Variants in IDH2 observed in about 807,000 individuals in gnomAD.
The protein encoded by IDH2 is isocitrate dehydrogenase [NADP], mitochondrial.
Under a neutral mutation model 50.5 loss-of-function variants are expected in IDH2, and 18 were observed. That is an observed-to-expected ratio of 0.36 (90% CI 0.25 to 0.53). IDH2 has a LOEUF of 0.53. IDH2 is among the 20% of genes least tolerant of loss of function. IDH2 has a pLI of 0.92. For synonymous variants in IDH2, 280 were observed against 239.8 expected, an observed-to-expected ratio of 1.17 and a Z score of -1.55; for missense variants, 518 against 610.7, an observed-to-expected ratio of 0.85 and a Z score of 1.60.
Position 90,087,107 on chromosome 15 carries a change from C to T in IDH2, c.967+5G>A, listed in dbSNP as rs2151547965. On this transcript the variant is annotated splice_donor_5th_base_variant and intron_variant, in intron 7 of 10. Transcript: ENST00000330062. ...CCCACAGGGAGCAGCGTCCTCCCAG[C>T]GTACCCTGGGCCAGGATGTCTGACT... 1 of 1,613,850 alleles carries T rather than the reference C, an allele frequency of 6.2e-7. No homozygotes were observed. Among genetic ancestry groups the T allele is most frequent in the Non-Finnish European group, 8.5e-7 (1 of 1,179,752 alleles).
At chr15:90,101,106 G>C (rs1169605177) in intron 1 of IDH2, among the ~76,000 whole-genome samples, 2 of 152,116 alleles carry the variant, frequency 1.3e-5, no homozygotes, top group African/African-American at 2.4e-5. Context: ...ATTCCCAGAG[G>C]TACAAAAGCA....
At position 90,084,378 on chromosome 15, in the gene IDH2, C is replaced by CA; in HGVS notation, c.1272-26dup. Reference sequence around the variant, plus strand: ...ACTGCAGAGAGAGCACCACTCACATCAGGGGTGGCTCCAGGCCTTGCCAAG... The same window carrying CA: ...ACTGCAGAGAGAGCACCACTCACATCAAGGGGTGGCTCCAGGCCTTGCCAAG... On this transcript the variant is annotated intron_variant, in intron 10 of 10. Coordinates refer to ENST00000330062, the MANE Select transcript of IDH2 (RefSeq NM_002168.4). This position sits in a 1 kb window ranked among gnomAD's most constrained non-coding sequence, Gnocchi z 5.0. 2 of 1,605,634 alleles carry CA rather than the reference C, an allele frequency of 1.2e-6. No individual in the cohort carries two copies. Among genetic ancestry groups the CA allele is most frequent in the Non-Finnish European group, 1.7e-6 (2 of 1,174,150 alleles).
At chr15:90,090,691 A>T in intron 2 of IDH2, 47 bp from the exon 3 acceptor site, 1 of 1,598,340 alleles carries the variant, frequency 6.3e-7, no homozygotes, top group Non-Finnish European at 8.6e-7. Flanking sequence ...TGACTCAGGG[A>T]CATGACAACA....
rs57901991 is a variant in IDH2 at position 90,088,906 on chromosome 15, ATTTTTTTTT to A, written c.374-168_374-160del. Among the ~76,000 whole-genome samples the A allele has an allele frequency of 5.2e-5, 5 of 96,514 alleles. No homozygotes were observed. The East Asian group carries it at 8.3e-4, about 16-fold the overall frequency. 63.3% of individuals were successfully genotyped at this position (96,514 alleles called of 152,430 possible). A position where few individuals can be genotyped will look rare whatever the true frequency, so the allele number is the denominator to read the frequency against. ...AATGTGTGGGCTCTGGAGTCTGCCA[ATTTTTTTTT>A]TTTTTTTTTTTTTTTTGAGACAGAG... is the stretch of plus-strand genomic sequence containing the variant. On this transcript the variant is annotated intron_variant, in intron 3 of 10. Transcript: ENST00000330062.
chr15:90,087,213 AGCCGGT>A lies in IDH2; in HGVS notation c.860_865del (p.His287_Arg288del). The A allele has an allele frequency of 6.2e-7, 1 of 1,614,168 alleles. No homozygotes were observed. The highest frequency in any genetic ancestry group is 1.3e-5 in the African/African-American group (1 of 75,046). ...GACCTGAGCCACCATGTCATCAATGAGCCGGTGCTCATACCAGATCTTATTCTTGTC... is the reference window on the plus strand; with the variant it reads ...GACCTGAGCCACCATGTCATCAATGAGCTCATACCAGATCTTATTCTTGTC... On this transcript the variant is annotated inframe_deletion, in exon 7 of 11. Coordinates refer to ENST00000330062, the MANE Select transcript of IDH2 (RefSeq NM_002168.4).
In IDH2 at chr15:90,090,622, A is replaced by T; in HGVS notation, c.230T>A (p.Ile77Asn). 6.2e-7 allele frequency: 1 copy of T among 1,614,180 alleles called. No individual in the cohort carries two copies. Among genetic ancestry groups the T allele is most frequent in the Non-Finnish European group, 8.5e-7 (1 of 1,180,020 alleles). The change falls in exon 3 of 11, where the codon ATC (isoleucine) becomes AAC (asparagine). Residue 77 changes from isoleucine to asparagine, a missense_variant. Coordinates refer to ENST00000330062, the MANE Select transcript of IDH2 (RefSeq NM_002168.4). ...CCCGAGGTCAAAATACTTTAGCTGG[A>T]TGTCCACGTGGGGCAGGATGAGCTG... ...KEKLILPHVD[I>N]QLKYFDLGLP...
intron 5 of IDH2, among the ~76,000 whole-genome samples, chr15:90,088,000 G>A (rs916061821): frequency 6.6e-6 from 1 of 152,076 alleles, no homozygotes; most frequent in South Asian, 2.1e-4. Flanking sequence ...GCCTGGCATT[G>A]GAGCTGGAAC....
Position 90,100,775 on chromosome 15 carries a change from C to G in IDH2, c.115+1501G>C, listed in dbSNP as rs1234423750. 1.4e-5 allele frequency: 5 copies of G among 368,624 alleles called. No homozygotes were observed. Among genetic ancestry groups the G allele is most frequent in the Non-Finnish European group, 1.9e-5 (5 of 266,102 alleles). The allele number at this position is 368,624 out of a possible 1,614,324, so 22.8% of individuals were successfully genotyped here. A position where few individuals can be genotyped will look rare whatever the true frequency, so the allele number is the denominator to read the frequency against. ...GCTGGCAGAGTCGCAACTGTAGAGT[C>G]TGATGTCCAACTCCAACACCAAGCA... is the stretch of plus-strand genomic sequence containing the variant. On this transcript the variant is annotated intron_variant, in intron 1 of 10. Coordinates refer to ENST00000330062, the MANE Select transcript of IDH2 (RefSeq NM_002168.4). The surrounding 1 kb of genome is among the most constrained non-coding windows in gnomAD (Gnocchi z 4.1).
At chr15:90,096,774 C>T (rs1361865236) in intron 1 of IDH2, among the ~76,000 whole-genome samples, 2 of 151,618 alleles carry the variant, frequency 1.3e-5, no homozygotes, top group South Asian at 2.1e-4. Context: ...ATTAGCCAGG[C>T]GTGGTGGCAG....
chr15:90,084,310 CGAG>C lies in IDH2; in HGVS notation c.1312_1314del (p.Leu438del). ...CTGTCCAGGTTGCTCTTGATGGTGTCGAGGAAGTCCGTGGTGTTCAGGAAGTGC... is the reference window on the plus strand; with the variant it reads ...CTGTCCAGGTTGCTCTTGATGGTGTCGAAGTCCGTGGTGTTCAGGAAGTGC... On this transcript the variant is annotated inframe_deletion, in exon 11 of 11. Transcript: ENST00000330062. This position sits in a 1 kb window ranked among gnomAD's most constrained non-coding sequence, Gnocchi z 5.0. The C allele has an allele frequency of 6.2e-7, 1 of 1,614,046 alleles. No homozygotes were observed. The highest frequency in any genetic ancestry group is 8.5e-7 in the Non-Finnish European group (1 of 1,179,992).
Position 90,085,208 on chromosome 15 carries a change from C to T in IDH2, c.1080+67G>A. 6.5e-7 allele frequency: 1 copy of T among 1,530,022 alleles called. No homozygotes were observed. Among genetic ancestry groups the T allele is most frequent in the Non-Finnish European group, 9.0e-7 (1 of 1,113,800 alleles). The allele number at this position is 1,530,022 out of a possible 1,614,324, so 94.8% of individuals were successfully genotyped here. On this transcript the variant is annotated intron_variant, in intron 8 of 10. Transcript: ENST00000330062. The surrounding 1 kb of genome is among the most constrained non-coding windows in gnomAD (Gnocchi z 5.5). ...GTGGGTCAGGCTCGTCCTTCCAGCC[C>T]TCAGCCCAGTGGGCTTTAGGCCCCT...
intron 3 of IDH2, 137 bp from the exon 4 acceptor site, chr15:90,088,884 G>T: frequency 1.3e-6 from 1 of 779,038 alleles, no homozygotes; most frequent in Non-Finnish European, 2.2e-6. Context: ...GAGTGCAAAT[G>T]TGTGGGCTCT....
In IDH2 at chr15:90,100,705, G is replaced by A. The variant is rs2151556993; in HGVS notation, c.115+1571C>T. On this transcript the variant is annotated intron_variant, in intron 1 of 10. Transcript: ENST00000330062. This position sits in a 1 kb window ranked among gnomAD's most constrained non-coding sequence, Gnocchi z 4.1. ...AAAATATTCTTTCCTTGTCATCAAG[G>A]GGAATGCCAAGTATTCTGTCTCCAG... The A allele has an allele frequency of 1.1e-6, 1 of 948,366 alleles. No homozygotes were observed. 58.7% of individuals were successfully genotyped at this position (948,366 alleles called of 1,614,324 possible).
rs1467871449 is a variant in IDH2, at chr15:90,085,931, A to G, written c.968-544T>C. 1.3e-5 allele frequency among the ~76,000 whole-genome samples: 2 copies of G among 152,204 alleles called. No homozygotes were observed. The highest frequency in any genetic ancestry group is 4.8e-5 in the African/African-American group (2 of 41,446). ...TTCAAAGGCACCCCCATGACACCAA[A>G]ATAAGGATTGAAGAAAGAAAACATG... On this transcript the variant is annotated intron_variant, in intron 7 of 10. Transcript: ENST00000330062. This position sits in a 1 kb window ranked among gnomAD's most constrained non-coding sequence, Gnocchi z 5.5.
Position 90,102,465 on chromosome 15 carries a change from G to T in IDH2, c.-75C>A. The T allele has an allele frequency of 1.2e-6, 1 of 826,088 alleles. No individual in the cohort carries two copies. The highest frequency in any genetic ancestry group is 1.6e-6 in the Non-Finnish European group (1 of 630,036). The allele number at this position is 826,088 out of a possible 1,614,324, so 51.2% of individuals were successfully genotyped here. Reference sequence around the variant, plus strand: ...CGCTCCTCCCGGCTGCCTGGCCGCGGGCTAACGCTGGGCCTGGCGGGCGCT... The same window carrying T: ...CGCTCCTCCCGGCTGCCTGGCCGCGTGCTAACGCTGGGCCTGGCGGGCGCT... On this transcript the variant is annotated 5_prime_UTR_variant, in exon 1 of 11. Coordinates refer to ENST00000330062, the MANE Select transcript of IDH2 (RefSeq NM_002168.4).
chr15:90,101,659 G>A (rs900114515), intron 1 of IDH2, among the ~76,000 whole-genome samples: 1 of 151,186 alleles, frequency 6.6e-6, no homozygotes, highest in African/African-American at 2.4e-5. Flanking sequence ...GGAGCCTCAA[G>A]TGCAGCGATG....
chr15:90,088,466 T>C lies in IDH2; in HGVS notation c.571A>G (p.Thr191Ala). The part of the protein sequence containing the change: ...ATDFVADRAG[T>A]FKMVFTPKDG... ...TTTGGGGTGAAGACCATTTTGAAAGTGCCGGCCCGGTCTGCCACAAAGTCT... is the reference window on the plus strand; with the variant it reads ...TTTGGGGTGAAGACCATTTTGAAAGCGCCGGCCCGGTCTGCCACAAAGTCT... Residue 191 changes from threonine to alanine, a missense_variant, in exon 5 of 11, where the codon ACT (threonine) becomes GCT (alanine). Thr to Ala is a moderately conservative substitution (Grantham distance 58, BLOSUM62 0). Around this residue, in one of 5 missense-constraint regions of IDH2, gnomAD observed 207 missense variants for 208.6 expected, o/e 0.99. Coordinates refer to ENST00000330062, the MANE Select transcript of IDH2 (RefSeq NM_002168.4). The C allele has an allele frequency of 6.2e-7, 1 of 1,614,222 alleles. No homozygotes were observed. Among genetic ancestry groups the C allele is most frequent in the Non-Finnish European group, 8.5e-7 (1 of 1,180,028 alleles).
intron 1 of IDH2, among the ~76,000 whole-genome samples, chr15:90,092,424 T>TTTC (rs1555461752): frequency 1.3e-5 from 2 of 151,176 alleles, no homozygotes; most frequent in Admixed American, 6.6e-5. Flanking sequence ...TCTCTCTTTC[T>TTTC]TGGCAGGGTC....
At chr15:90,087,004 A>G (rs1900875969) in intron 7 of IDH2, 108 bp downstream of exon 7, 3 of 1,209,756 alleles carry the variant, frequency 2.5e-6, no homozygotes, top group Non-Finnish European at 3.7e-6. Context: ...AGGACCCTGC[A>G]ATGAGTCCTG....
Sources: gnomAD v4.1 joint callset for allele counts (sites outside exome capture counted in the v4.1 genomes callset) on GRCh38, gnomAD v4.1.1 for gene constraint, gnomAD v4.1.1 regional missense constraint, Gnocchi (gnomAD v3.1) non-coding constraint, MANE v1.5 for transcripts, NCBI Gene and HGNC (gene_info 2026-07-23, HGNC 2026-07-21) for gene names.